The following CTNNA3 variants were observed in gnomAD, a reference collection of about 807,000 sequenced individuals.
The protein encoded by CTNNA3 is catenin alpha-3.
Under a neutral mutation model 95.7 loss-of-function variants are expected in CTNNA3, and 76 were observed. That is an observed-to-expected ratio of 0.79 (90% CI 0.66 to 0.96). The LOEUF (loss-of-function observed/expected upper bound fraction) is 0.96. Ranked by LOEUF, CTNNA3 falls within the 40% of genes least tolerant of loss-of-function variation. CTNNA3 has a pLI of 0.00. For missense variants in CTNNA3, 1,191 were observed against 1,089.8 expected, an observed-to-expected ratio of 1.09 and a Z score of -1.31; for synonymous variants, 431 against 374.4, an observed-to-expected ratio of 1.15 and a Z score of -1.74.
chr10:66,877,111 A>C (rs1402713443), intron 7 of CTNNA3, among the ~76,000 whole-genome samples: 7 of 151,454 alleles, frequency 4.6e-5, no homozygotes, highest in South Asian at 2.1e-4. Flanking sequence ...CCCTCCTCTC[A>C]CTCCTACTTC....
chr10:65,986,176 G>T (rs2078423366), intron 16 of CTNNA3, among the ~76,000 whole-genome samples: 3 of 151,042 alleles, frequency 2.0e-5, no homozygotes, highest in Admixed American at 6.6e-5. Flanking sequence ...TGTGAATCCT[G>T]TACCTTATTT....
At chr10:66,752,646 A>G (rs1179542693) in intron 9 of CTNNA3, among the ~76,000 whole-genome samples, 4 of 152,212 alleles carry the variant, frequency 2.6e-5, no homozygotes, top group African/African-American at 7.2e-5. Context: ...AAAACAAGCC[A>G]TAGAAATAGA....
intron 7 of CTNNA3, among the ~76,000 whole-genome samples, chr10:66,955,852 G>A (rs2132743255): frequency 6.6e-6 from 1 of 152,236 alleles, no homozygotes; most frequent in Middle Eastern, 3.4e-3. Flanking sequence ...GGAGCCCATT[G>A]TGTCTCACCT....
chr10:67,723,745 C>T (rs1231832574), intron 1 of CTNNA3, among the ~76,000 whole-genome samples: 1 of 152,162 alleles, frequency 6.6e-6, no homozygotes, highest in African/African-American at 2.4e-5. Context: ...ACCTGCTTAG[C>T]CTCACTTCTG....
chr10:66,282,989 T>G (rs927557967), intron 12 of CTNNA3, among the ~76,000 whole-genome samples: 25 of 151,918 alleles, frequency 1.6e-4, no homozygotes, highest in African/African-American at 5.3e-4. Flanking sequence ...TGATTTTGGT[T>G]TTGTTAACAA....
chr10:66,376,144 G>T (rs769678233), intron 12 of CTNNA3, among the ~76,000 whole-genome samples: 1 of 152,070 alleles, frequency 6.6e-6, no homozygotes, highest in Non-Finnish European at 1.5e-5. Flanking sequence ...TCTTATGTCC[G>T]TCCACTTCCA....
chr10:67,346,129 A>C (rs1167998429), intron 5 of CTNNA3, among the ~76,000 whole-genome samples: 1 of 152,174 alleles, frequency 6.6e-6, no homozygotes, highest in Non-Finnish European at 1.5e-5. Context: ...TAAAAACTCT[A>C]TACTTTGTTC....
chr10:67,082,521 A>G (rs1331035224), intron 7 of CTNNA3, among the ~76,000 whole-genome samples: 1 of 152,194 alleles, frequency 6.6e-6, no homozygotes, highest in Admixed American at 6.5e-5. Flanking sequence ...TGCATTTACT[A>G]TAGTAAGAAG....
chr10:66,869,725 A>G (rs1478262861), intron 7 of CTNNA3, among the ~76,000 whole-genome samples: 1 of 152,140 alleles, frequency 6.6e-6, no homozygotes, highest in Non-Finnish European at 1.5e-5. Flanking sequence ...CAGATTAGAG[A>G]ACAAGTACAT....
At chr10:66,296,556 C>A (rs780039006) in intron 12 of CTNNA3, among the ~76,000 whole-genome samples, 6 of 150,168 alleles carry the variant, frequency 4.0e-5, no homozygotes, top group Non-Finnish European at 8.9e-5. Flanking sequence ...TGTGTGCATG[C>A]GTGTGTGTAT....
intron 7 of CTNNA3, among the ~76,000 whole-genome samples, chr10:66,818,815 A>G (rs1842189494): frequency 6.6e-6 from 1 of 152,010 alleles, no homozygotes; most frequent in South Asian, 2.1e-4. Context: ...TCATAGAAAA[A>G]AGTTAGGCTC....
At chr10:66,070,768 C>A (rs760650219) in intron 14 of CTNNA3, among the ~76,000 whole-genome samples, 23 of 152,142 alleles carry the variant, frequency 1.5e-4, no homozygotes, top group Non-Finnish European at 3.1e-4. Context: ...TATCCACCTG[C>A]CATGCAGGGA....
chr10:66,745,587 C>CTTTTTT (rs368932444), intron 9 of CTNNA3, among the ~76,000 whole-genome samples: 2 of 109,644 alleles, frequency 1.8e-5, no homozygotes, highest in Non-Finnish European at 3.5e-5. Flanking sequence ...TGCAGACAGC[C>CTTTTTT]TTTTTTTTTT....
chr10:66,527,276 T>C lies in CTNNA3; in HGVS notation c.1375-6503A>G, dbSNP rs183878874. ...GGATATCTTTTCTATGCCATTTATC[T>C]ATATGTCTGTATCACACTGATTTGA... On this transcript the variant is annotated intron_variant, in intron 10 of 17. Transcript: ENST00000433211. Among the ~76,000 whole-genome samples, 109 of 152,282 alleles carry C rather than the reference T, an allele frequency of 7.2e-4. 1 individual carries two copies. Among genetic ancestry groups the C allele is most frequent in the African/African-American group, 2.6e-3 (108 of 41,558 alleles).
intron 7 of CTNNA3, among the ~76,000 whole-genome samples, chr10:67,138,590 ATTAAAATAAAGCTAT>A (rs1439588163): frequency 6.6e-6 from 1 of 152,212 alleles, no homozygotes; most frequent in Non-Finnish European, 1.5e-5. Context: ...ATACGTGCTC[ATTAAAATAAAGCTAT>A]TTAAAGTAGA....
chr10:66,299,027 A>T (rs1395045693), intron 12 of CTNNA3, among the ~76,000 whole-genome samples: 2 of 152,098 alleles, frequency 1.3e-5, no homozygotes, highest in Non-Finnish European at 2.9e-5. Flanking sequence ...CTAATCAGAA[A>T]CTCAAAAGAA....
At chr10:66,153,285 TG>T (rs2084300982) in intron 13 of CTNNA3, among the ~76,000 whole-genome samples, 1 of 151,952 alleles carries the variant, frequency 6.6e-6, no homozygotes, top group Non-Finnish European at 1.5e-5. Flanking sequence ...TTTCAACATC[TG>T]GGTCGTCTCA....
rs56966557 is a variant in CTNNA3 at position 67,436,412 on chromosome 10, G to A, written c.579+85430C>T. ...AAAACCCTTCTAGACATTGGCTTAG[G>A]CAAGGATTTCATTACCAAGAACCCA... On this transcript the variant is annotated intron_variant, in intron 5 of 17. Coordinates refer to ENST00000433211, the MANE Select transcript of CTNNA3 (RefSeq NM_013266.4). 3.0e-3 allele frequency among the ~76,000 whole-genome samples: 460 copies of A among 152,176 alleles called. 1 individual carries two copies. Among genetic ancestry groups the A allele is most frequent in the African/African-American group, 0.011 (437 of 41,524 alleles).
intron 13 of CTNNA3, among the ~76,000 whole-genome samples, chr10:66,121,197 AT>A (rs1293580356): frequency 3.9e-5 from 6 of 152,202 alleles, no homozygotes; most frequent in Non-Finnish European, 8.8e-5. Context: ...AAGCATAGAA[AT>A]TAAGAGTTAA....
Sources: gnomAD v4.1 joint callset for allele counts (sites outside exome capture counted in the v4.1 genomes callset) on GRCh38, gnomAD v4.1.1 for gene constraint, MANE v1.5 for transcripts, NCBI Gene and HGNC (gene_info 2026-07-23, HGNC 2026-07-21) for gene names.